SLC6A16: variants seen among roughly 807,000 people sequenced by gnomAD.
SLC6A16 encodes the protein orphan sodium- and chloride-dependent neurotransmitter transporter NTT5.
A neutral mutation model predicts 65.4 loss-of-function variants in SLC6A16; 54 were observed. The ratio of observed to expected loss-of-function variants is 0.83; its 90% CI spans 0.66 to 1.04. The LOEUF (loss-of-function observed/expected upper bound fraction) is 1.04, where lower values mean the gene tolerates loss of function less well. Ranked by LOEUF, SLC6A16 falls within the 50% of genes least tolerant of loss-of-function variation. The pLI, the probability that SLC6A16 is intolerant of heterozygous loss-of-function variation, is 0.00. For synonymous variants in SLC6A16, 330 were observed against 346.5 expected, an observed-to-expected ratio of 0.95 and a Z score of 0.53; for missense variants, 816 against 914.0, an observed-to-expected ratio of 0.89 and a Z score of 1.38.
chr19:49,309,734 C>T lies in SLC6A16; in HGVS notation c.793G>A (p.Val265Ile), dbSNP rs1197279239. ...AAGAAGGGCAGGACCAGACTGTAGA[C>T]TGGTGACCCGCCATCCTCGATTCTG... is the stretch of plus-strand genomic sequence containing the variant. ...SDRIEDGGSPVYSLVLPFFLC... is the reference protein window; with the variant it reads ...SDRIEDGGSPIYSLVLPFFLC... The change falls in exon 5 of 12, where the codon GTC becomes ATC. Residue 265 changes from valine to isoleucine, a missense_variant. Physicochemically the swap from Val to Ile is conservative, Grantham distance 29 (BLOSUM62 3). Coordinates refer to ENST00000335875, the MANE Select transcript of SLC6A16 (RefSeq NM_014037.3). 6.2e-7 allele frequency: 1 copy of T among 1,614,122 alleles called. No homozygotes were observed. The highest frequency in any genetic ancestry group is 2.2e-5 in the East Asian group (1 of 44,876).
At chr19:49,293,083 G>A (rs1161545522) in intron 10 of SLC6A16, 140 bp downstream of exon 10, 5 of 688,486 alleles carry the variant, frequency 7.3e-6, no homozygotes, top group Non-Finnish European at 1.2e-5. Flanking sequence ...ATGGATGAAT[G>A]AATAAAAAGA....
At chr19:49,316,610 G>A (rs1251079473) in intron 1 of SLC6A16, among the ~76,000 whole-genome samples, 4 of 152,132 alleles carry the variant, frequency 2.6e-5, no homozygotes, top group Admixed American at 6.6e-5. Context: ...GACCAGGGCA[G>A]ACTAGATTCT....
the SLC6A16 span, chr19:49,340,168 T>C: frequency 8.8e-7 from 1 of 1,136,024 alleles, no homozygotes; most frequent in Non-Finnish European, 1.2e-6. Flanking sequence ...GCCCCACCCC[T>C]GACCTTTCTC....
At chr19:49,295,599 A>C (rs773985940) in intron 7 of SLC6A16, among the ~76,000 whole-genome samples, 1 of 152,266 alleles carries the variant, frequency 6.6e-6, no homozygotes, top group Non-Finnish European at 1.5e-5. Flanking sequence ...TAACAAAATA[A>C]AAATGTTGAC....
chr19:49,306,109 T>TA (rs1439227748), intron 7 of SLC6A16: 5 of 152,010 alleles, frequency 3.3e-5, no homozygotes, highest in Non-Finnish European at 7.4e-5. Flanking sequence ...CCGTCCTGGC[T>TA]AACACGGTGA....
chr19:49,337,407 G>A, the SLC6A16 span, among the ~76,000 whole-genome samples: 1 of 152,168 alleles, frequency 6.6e-6, no homozygotes, highest in Non-Finnish European at 1.5e-5. Context: ...GGAGGCTGAG[G>A]TGGGAGTCCA....
chr19:49,335,447 T>C, the SLC6A16 span: 1 of 916,158 alleles, frequency 1.1e-6, no homozygotes, highest in Non-Finnish European at 1.8e-6. The surrounding 1 kb of genome is among the most constrained non-coding windows in gnomAD (Gnocchi z 4.6). Flanking sequence ...TCTCCGTCTC[T>C]CTTTCTCTCT....
At chr19:49,321,177 A>C (rs559224515) in intron 1 of SLC6A16, among the ~76,000 whole-genome samples, 3 of 152,332 alleles carry the variant, frequency 2.0e-5, no homozygotes, top group African/African-American at 7.2e-5. Flanking sequence ...ACCAAGTGGG[A>C]TTTATTCCTG....
rs1245091351 is a variant in SLC6A16 at position 49,294,525 on chromosome 19, T to G, written c.1258A>C (p.Asn420His). 3 of 1,611,994 alleles carry G rather than the reference T, an allele frequency of 1.9e-6. No homozygotes were observed. The African/African-American group carries it at 4.0e-5, about 22-fold the overall frequency. The change falls in exon 8 of 12, where the codon AAC (asparagine) becomes CAC (histidine). Residue 420 changes from asparagine to histidine, a missense_variant. Coordinates refer to ENST00000335875, the MANE Select transcript of SLC6A16 (RefSeq NM_014037.3). ...RNAEILLKLI[N>H]LGKLPPDAKP... ...GCATCAGGAGGCAGTTTCCCTAGGT[T>G]TATCAGCTTTAAAAGTATTTCAGCA...
At chr19:49,332,818 T>G in the SLC6A16 span, among the ~76,000 whole-genome samples, 1 of 152,134 alleles carries the variant, frequency 6.6e-6, no homozygotes, top group Non-Finnish European at 1.5e-5. Flanking sequence ...TGGCTGGGTT[T>G]GCAATGTACT....
chr19:49,336,519 C>G, the SLC6A16 span: 1 of 182,938 alleles, frequency 5.5e-6, no homozygotes, highest in African/African-American at 2.4e-5. Context: ...GATCACATCA[C>G]TGCACTCCAG....
At chr19:49,339,092 G>T in the SLC6A16 span, among the ~76,000 whole-genome samples, 1 of 152,216 alleles carries the variant, frequency 6.6e-6, no homozygotes, top group East Asian at 1.9e-4. The surrounding 1 kb of genome is among the most constrained non-coding windows in gnomAD (Gnocchi z 4.5). Context: ...GGCGGGGTCT[G>T]CAGGAAGGGC....
chr19:49,325,668 G>A (rs780247185), upstream of SLC6A16, among the ~76,000 whole-genome samples: 6 of 152,094 alleles, frequency 3.9e-5, no homozygotes, highest in Admixed American at 6.6e-5. Context: ...GATTTACTTA[G>A]GTCATCCGTT....
At chr19:49,339,616 C>A in the SLC6A16 span, 3 of 1,435,558 alleles carry the variant, frequency 2.1e-6, no homozygotes, top group Admixed American at 8.6e-5. This position sits in a 1 kb window ranked among gnomAD's most constrained non-coding sequence, Gnocchi z 4.5. Context: ...GCAGGGAAAG[C>A]CTCCTGCTAT....
chr19:49,306,275 G>C (rs1019864545), intron 7 of SLC6A16: 2 of 151,666 alleles, frequency 1.3e-5, no homozygotes, highest in Admixed American at 6.6e-5. Context: ...TCCAGCCTGG[G>C]CAACAGAGCG....
At chr19:49,312,678 G>T in intron 1 of SLC6A16, 1 of 560,760 alleles carries the variant, frequency 1.8e-6, no homozygotes, top group South Asian at 8.0e-5. Context: ...TTCAGTGGGG[G>T]AAGGAGCATG....
chr19:49,309,807 T>C lies in SLC6A16; in HGVS notation c.720A>G (p.Thr240=). The C allele has an allele frequency of 6.2e-7, 1 of 1,612,220 alleles. No homozygotes were observed. Among genetic ancestry groups the C allele is most frequent in the Non-Finnish European group, 8.5e-7 (1 of 1,178,516 alleles). The change falls in exon 5 of 12, where the codon ACA becomes ACG. Residue 240 remains threonine, a synonymous_variant. Transcript: ENST00000335875. ...SSGFDPECER[T]TPSIYFWYQQ... is the part of the protein sequence containing the mutation. ...GGTACCAGAAGTATATGGAGGGTGTTGTCCGTTCACATTCAGGATCTGGGG... is the reference window on the plus strand; with the variant it reads ...GGTACCAGAAGTATATGGAGGGTGTCGTCCGTTCACATTCAGGATCTGGGG...
the SLC6A16 span, chr19:49,337,975 C>CACCA: frequency 6.2e-7 from 1 of 1,614,120 alleles, no homozygotes; most frequent in Non-Finnish European, 8.5e-7. Context: ...AAAAGTACGG[C>CACCA]ACCAACCCCG....
chr19:49,337,335 A>G, the SLC6A16 span: 1 of 993,696 alleles, frequency 1.0e-6, no homozygotes, highest in Non-Finnish European at 1.6e-6. Flanking sequence ...AACCTAGATA[A>G]AGAGAAATAA....
Sources: allele counts gnomAD v4.1 joint callset (sites outside exome capture counted in the v4.1 genomes callset), GRCh38; gene constraint gnomAD v4.1.1; non-coding constraint Gnocchi (gnomAD v3.1); transcripts MANE v1.5; gene names NCBI Gene and HGNC (gene_info 2026-07-23, HGNC 2026-07-21).